The following EYS variants were observed in gnomAD, a reference collection of about 807,000 sequenced individuals.
EYS encodes protein eyes shut homolog.
EYS carries 250 observed loss-of-function variants against 282.1 expected under a neutral mutation model. That is an observed-to-expected ratio of 0.89 (90% CI 0.80 to 0.98). The LOEUF (loss-of-function observed/expected upper bound fraction) is 0.98, where lower values mean the gene tolerates loss of function less well. Ranked by LOEUF, EYS falls within the 50% of genes least tolerant of loss-of-function variation. The probability of loss-of-function intolerance (pLI) is 0.00; values close to 1 mark genes in which losing one functional copy is unlikely to be tolerated. For synonymous variants in EYS, 1,355 were observed against 1,282.9 expected (o/e 1.06, Z -1.20); for missense variants, 4,016 against 3,709.0 (o/e 1.08, Z -2.15).
intron 12 of EYS, among the ~76,000 whole-genome samples, chr6:65,079,004 G>A (rs1774144086): frequency 6.6e-6 from 1 of 151,678 alleles, no homozygotes; most frequent in Non-Finnish European, 1.5e-5. Flanking sequence ...AAGCCAAGCA[G>A]ATGCCGGTAC....
chr6:65,437,264 A>T (rs1768110755), intron 5 of EYS, among the ~76,000 whole-genome samples: 1 of 152,110 alleles, frequency 6.6e-6, no homozygotes, highest in Admixed American at 6.6e-5. Flanking sequence ...CTCAGTGTCA[A>T]AAATTAATTA....
intron 22 of EYS, among the ~76,000 whole-genome samples, chr6:64,779,710 A>G (rs1773798687): frequency 6.6e-6 from 1 of 152,190 alleles, no homozygotes; most frequent in South Asian, 2.1e-4. Context: ...TGTTGATAAA[A>G]GAGGAAACTG....
chr6:64,653,006 C>T (rs896513233), intron 22 of EYS, among the ~76,000 whole-genome samples: 1 of 152,082 alleles, frequency 6.6e-6, no homozygotes, highest in South Asian at 2.1e-4. Context: ...TCTCAGTACC[C>T]CCGTATGTAA....
chr6:63,920,875 GTCT>G lies in EYS; in HGVS notation c.7056-56520_7056-56518del, dbSNP rs200211725. ...AGGCCCTCACACCATCCTATGGACT[GTCT>G]TCTTCTTCTTCTTTCTTCCTTTTTT... On this transcript the variant is annotated intron_variant, in intron 35 of 42. Transcript: ENST00000503581. Among the ~76,000 whole-genome samples the G allele has an allele frequency of 1.7e-3, 262 of 151,540 alleles. 3 individuals carry two copies. The East Asian group carries it at 0.042, about 24-fold the overall frequency.
intron 12 of EYS, among the ~76,000 whole-genome samples, chr6:65,266,738 A>C (rs963253617): frequency 6.6e-6 from 1 of 151,680 alleles, no homozygotes; most frequent in African/African-American, 2.4e-5. Context: ...GTTCATTAGT[A>C]TCATGAGCTC....
At chr6:64,190,047 A>G (rs545671703) in intron 31 of EYS, among the ~76,000 whole-genome samples, 37 of 152,288 alleles carry the variant, frequency 2.4e-4, no homozygotes, top group African/African-American at 8.4e-4. Context: ...CTACGTAACA[A>G]TAGCATCAAC....
intron 11 of EYS, among the ~76,000 whole-genome samples, chr6:65,317,230 T>A (rs891588873): frequency 6.6e-6 from 1 of 152,184 alleles, no homozygotes; most frequent in African/African-American, 2.4e-5. Context: ...ATGGAAAAAA[T>A]CTGTAATAGG....
At chr6:64,547,007 T>C (rs1236719588) in intron 26 of EYS, among the ~76,000 whole-genome samples, 1 of 152,140 alleles carries the variant, frequency 6.6e-6, no homozygotes. Context: ...TTACAGTTCT[T>C]AAAGGTGGCA....
intron 29 of EYS, among the ~76,000 whole-genome samples, chr6:64,365,741 CAAT>C (rs1772161312): frequency 6.6e-6 from 1 of 151,888 alleles, no homozygotes; most frequent in East Asian, 1.9e-4. Context: ...ATATTAATAA[CAAT>C]AGTCAAGTAT....
intron 9 of EYS, among the ~76,000 whole-genome samples, chr6:65,351,192 A>G (rs1350282765): frequency 1.3e-5 from 2 of 151,816 alleles, no homozygotes; most frequent in East Asian, 3.9e-4. Context: ...TGTTTTACTT[A>G]AACATTCATT....
chr6:65,195,950 A>G (rs1271580748), intron 12 of EYS, among the ~76,000 whole-genome samples: 4 of 152,066 alleles, frequency 2.6e-5, no homozygotes, highest in Admixed American at 6.6e-5. Context: ...AGGAATATCA[A>G]CCAGCCAGTC....
intron 33 of EYS, among the ~76,000 whole-genome samples, chr6:64,045,663 T>C (rs1418469580): frequency 6.6e-6 from 1 of 150,716 alleles, no homozygotes; most frequent in Non-Finnish European, 1.5e-5. Context: ...GCCAGTCTAG[T>C]CTCAAACTCC....
chr6:64,752,500 T>G (rs187678346), intron 22 of EYS, among the ~76,000 whole-genome samples: 2 of 152,074 alleles, frequency 1.3e-5, no homozygotes, highest in Admixed American at 1.3e-4. Flanking sequence ...TCAAAAAATA[T>G]GTGATTATGT....
chr6:63,853,502 A>G (rs972933844), intron 36 of EYS, among the ~76,000 whole-genome samples: 2 of 152,150 alleles, frequency 1.3e-5, no homozygotes, highest in Non-Finnish European at 2.9e-5. Flanking sequence ...ACAAATGGAA[A>G]AACATTCCAT....
At chr6:64,950,788 TATACATATAC>T (rs1326532284) in intron 14 of EYS, among the ~76,000 whole-genome samples, 1 of 88,602 alleles carries the variant, frequency 1.1e-5, no homozygotes, top group African/African-American at 4.9e-5. Flanking sequence ...TATATACACA[TATACATATAC>T]ATATATATAT....
intron 12 of EYS, among the ~76,000 whole-genome samples, chr6:65,204,292 T>C (rs756621897): frequency 2.0e-5 from 3 of 151,556 alleles, no homozygotes; most frequent in East Asian, 1.9e-4. Context: ...AAAGAACTAA[T>C]CTTAAAGGAA....
intron 14 of EYS, among the ~76,000 whole-genome samples, chr6:64,968,700 A>G (rs1359511685): frequency 2.0e-5 from 3 of 152,114 alleles, no homozygotes; most frequent in Non-Finnish European, 4.4e-5. Flanking sequence ...TTACTAGTCA[A>G]TAGCCCCATT....
At chr6:63,785,744 C>G (rs990171642) in intron 39 of EYS, among the ~76,000 whole-genome samples, 1 of 152,094 alleles carries the variant, frequency 6.6e-6, no homozygotes, top group Non-Finnish European at 1.5e-5. Flanking sequence ...CACGGTGGCT[C>G]AAGCCTGCAA....
chr6:64,064,973 G>A (rs1197891146), intron 33 of EYS, among the ~76,000 whole-genome samples: 2 of 152,106 alleles, frequency 1.3e-5, no homozygotes, highest in Admixed American at 1.3e-4. Flanking sequence ...GTGTTGCAAA[G>A]GGTATACGTA....
Sources: gnomAD v4.1 joint callset for allele counts (sites outside exome capture counted in the v4.1 genomes callset) on GRCh38, gnomAD v4.1.1 for gene constraint, MANE v1.5 for transcripts, NCBI Gene and HGNC (gene_info 2026-07-23, HGNC 2026-07-21) for gene names.